The following QTMAN variants were observed in gnomAD, a reference collection of about 807,000 sequenced individuals.
QTMAN encodes queuosine-tRNA mannosyltransferase.
the QTMAN span, among the ~76,000 whole-genome samples, chr2:144,296,491 T>G: frequency 6.6e-6 from 1 of 152,162 alleles, no homozygotes; most frequent in South Asian, 2.1e-4. Flanking sequence ...GGCTATAAAA[T>G]TATGACTGAA....
At chr2:144,239,533 CCTG>C in the QTMAN span, among the ~76,000 whole-genome samples, 1 of 152,138 alleles carries the variant, frequency 6.6e-6, no homozygotes, top group Non-Finnish European at 1.5e-5. Context: ...TTCCTTCCTC[CCTG>C]CTAAAGCTAC....
At chr2:144,148,228 C>A in the QTMAN span, among the ~76,000 whole-genome samples, 1 of 151,586 alleles carries the variant, frequency 6.6e-6, no homozygotes. Context: ...ATGTGAAATG[C>A]CATGATGTCT....
the QTMAN span, among the ~76,000 whole-genome samples, chr2:143,980,874 A>C: frequency 1.3e-5 from 2 of 152,192 alleles, no homozygotes; most frequent in African/African-American, 4.8e-5. Flanking sequence ...GAAACCATTA[A>C]AGTGAAATTA....
At chr2:144,001,820 C>CAA in the QTMAN span, among the ~76,000 whole-genome samples, 4 of 138,572 alleles carry the variant, frequency 2.9e-5, no homozygotes, top group Admixed American at 2.2e-4. Flanking sequence ...AGTTTTAAGC[C>CAA]AAAAAAAAAA....
chr2:144,262,404 A>C, the QTMAN span, among the ~76,000 whole-genome samples: 4 of 151,682 alleles, frequency 2.6e-5, no homozygotes, highest in Non-Finnish European at 5.9e-5. Context: ...AAAAATTAAA[A>C]ATTAAAAATT....
At chr2:143,960,018 A>G in the QTMAN span, among the ~76,000 whole-genome samples, 1 of 152,128 alleles carries the variant, frequency 6.6e-6, no homozygotes, top group East Asian at 1.9e-4. Flanking sequence ...TGTAGTAAGA[A>G]TATGTATTAT....
the QTMAN span, among the ~76,000 whole-genome samples, chr2:144,053,243 G>A: frequency 6.6e-6 from 1 of 152,182 alleles, no homozygotes; most frequent in Non-Finnish European, 1.5e-5. Flanking sequence ...GTACATATAT[G>A]TACCAGATCA....
At chr2:144,258,033 G>A in the QTMAN span, among the ~76,000 whole-genome samples, 2 of 151,872 alleles carry the variant, frequency 1.3e-5, no homozygotes, top group Non-Finnish European at 2.9e-5. Flanking sequence ...GGTGAAGACT[G>A]GGAGGAAAAA....
At chr2:144,130,548 G>A in the QTMAN span, among the ~76,000 whole-genome samples, 30 of 151,744 alleles carry the variant, frequency 2.0e-4, no homozygotes, top group Admixed American at 3.3e-4. Flanking sequence ...ATTACATATA[G>A]GTTAATGAAA....
chr2:144,003,585 T>C, the QTMAN span, among the ~76,000 whole-genome samples: 1 of 152,040 alleles, frequency 6.6e-6, no homozygotes, highest in African/African-American at 2.4e-5. Flanking sequence ...CCAGCAACTC[T>C]GCTAAAATAC....
chr2:144,281,450 C>A, the QTMAN span, among the ~76,000 whole-genome samples: 1 of 120,486 alleles, frequency 8.3e-6, no homozygotes, highest in African/African-American at 3.2e-5. Context: ...AGCAACAGCA[C>A]AAAAGATACA....
chr2:144,185,533 C>T, the QTMAN span, among the ~76,000 whole-genome samples: 1 of 152,214 alleles, frequency 6.6e-6, no homozygotes. Flanking sequence ...ACGTCTACTT[C>T]TTCCTTAATT....
the QTMAN span, among the ~76,000 whole-genome samples, chr2:144,109,766 T>G: frequency 6.6e-6 from 1 of 151,790 alleles, no homozygotes; most frequent in Non-Finnish European, 1.5e-5. Context: ...AAGACATTTA[T>G]GCAGCCAAAA....
At chr2:144,274,517 CACCAATG>C in the QTMAN span, among the ~76,000 whole-genome samples, 1 of 152,192 alleles carries the variant, frequency 6.6e-6, no homozygotes, top group African/African-American at 2.4e-5. Flanking sequence ...TTGAGTTGAT[CACCAATG>C]ACCAATGATG....
At chr2:144,260,054 G>A in the QTMAN span, among the ~76,000 whole-genome samples, 1 of 152,038 alleles carries the variant, frequency 6.6e-6, no homozygotes. Flanking sequence ...TTCACAGCAG[G>A]AAATAAACTG....
the QTMAN span, chr2:143,945,038 G>A: frequency 1.3e-4 from 19 of 151,850 alleles, no homozygotes; most frequent in East Asian, 5.8e-4. Context: ...CACAGTAAAC[G>A]AAGCGCTATT....
the QTMAN span, among the ~76,000 whole-genome samples, chr2:144,230,857 T>C: frequency 7.2e-5 from 11 of 152,150 alleles, no homozygotes; most frequent in Non-Finnish European, 1.5e-4. Flanking sequence ...AAAAAACCTG[T>C]TCTCATGCTA....
At chr2:144,115,074 C>CA in the QTMAN span, among the ~76,000 whole-genome samples, 151 of 151,970 alleles carry the variant, frequency 9.9e-4, no homozygotes, top group African/African-American at 3.5e-3. Flanking sequence ...ACTAAAAATA[C>CA]AAAAAAATTA....
the QTMAN span, among the ~76,000 whole-genome samples, chr2:144,113,598 G>A: frequency 6.6e-6 from 1 of 152,232 alleles, no homozygotes; most frequent in African/African-American, 2.4e-5. Context: ...TCTGTAGATT[G>A]AAGAAACTGA....
Sources: allele counts gnomAD v4.1 joint callset (sites outside exome capture counted in the v4.1 genomes callset), GRCh38; gene constraint gnomAD v4.1.1; transcripts MANE v1.5; gene names NCBI Gene and HGNC (gene_info 2026-07-23, HGNC 2026-07-21).